Variants in SPRR2G observed in about 807,000 individuals in gnomAD.
SPRR2G encodes small proline-rich protein 2G.
A neutral mutation model predicts 0.7 loss-of-function variants in SPRR2G; 1 was observed. The ratio of observed to expected loss-of-function variants is 1.49; its 90% CI spans 0.53 to 7.06. The LOEUF is 7.06. Among genes scored for constraint, SPRR2G ranks in the 30% most tolerant of loss-of-function variants. The pLI is 0.14. For missense variants in SPRR2G, 96 were observed against 88.5 expected (o/e 1.09, Z -0.34); for synonymous variants, 38 against 33.9 (o/e 1.12, Z -0.42).
chr1:153,201,324 A>T, the SPRR2G span, among the ~76,000 whole-genome samples: 1 of 152,254 alleles, frequency 6.6e-6, no homozygotes, highest in Non-Finnish European at 1.5e-5. Flanking sequence ...AAGTCCAGTG[A>T]CTGATATACT....
chr1:153,188,197 A>C, the SPRR2G span, among the ~76,000 whole-genome samples: 1,599 of 152,284 alleles, frequency 0.011, 17 homozygotes, highest in Non-Finnish European at 0.018. Context: ...GACCCACTTG[A>C]GGAGGCAGTC....
the SPRR2G span, among the ~76,000 whole-genome samples, chr1:153,171,566 C>T: frequency 0.62 from 93,843 of 151,918 alleles, 30,034 homozygotes; most frequent in Middle Eastern, 0.74. Flanking sequence ...CTCACCACTA[C>T]GGACATTTCT....
chr1:153,165,839 T>C, the SPRR2G span, among the ~76,000 whole-genome samples: 3 of 152,208 alleles, frequency 2.0e-5, no homozygotes, highest in African/African-American at 7.2e-5. Context: ...TCTTTGAAGA[T>C]GAAAAACTAA....
the SPRR2G span, among the ~76,000 whole-genome samples, chr1:153,186,184 C>T: frequency 5.9e-5 from 9 of 152,030 alleles, no homozygotes; most frequent in East Asian, 3.8e-4. Context: ...GAGGAATGTA[C>T]GTTCTGTTGA....
chr1:153,198,451 G>A, the SPRR2G span, among the ~76,000 whole-genome samples: 1 of 152,220 alleles, frequency 6.6e-6, no homozygotes. Flanking sequence ...CCACAATAAA[G>A]GCAGCAACCA....
the SPRR2G span, among the ~76,000 whole-genome samples, chr1:153,171,398 C>G: frequency 6.6e-6 from 1 of 152,080 alleles, no homozygotes; most frequent in African/African-American, 2.4e-5. Flanking sequence ...GCCTTTACAC[C>G]CACTCGCCTC....
the SPRR2G span, among the ~76,000 whole-genome samples, chr1:153,161,201 T>G: frequency 0.027 from 4,068 of 150,652 alleles, 191 homozygotes; most frequent in African/African-American, 0.093. Flanking sequence ...AAACTGCACG[T>G]TGTGCACATG....
the SPRR2G span, among the ~76,000 whole-genome samples, chr1:153,180,636 A>G: frequency 2.2e-3 from 336 of 152,318 alleles, 2 homozygotes; most frequent in African/African-American, 7.8e-3. Flanking sequence ...ATACCTAGGA[A>G]AATATAATGA....
the SPRR2G span, chr1:153,191,497 A>T: frequency 1.3e-5 from 2 of 152,192 alleles, no homozygotes; most frequent in African/African-American, 4.8e-5. Flanking sequence ...CTTGTATTAA[A>T]AATTAAAACT....
chr1:153,151,260 T>C (rs1656462168), upstream of SPRR2G, among the ~76,000 whole-genome samples: 1 of 152,220 alleles, frequency 6.6e-6, no homozygotes, highest in Admixed American at 6.5e-5. Flanking sequence ...TTCTCTTTAG[T>C]AGAGACCAGT....
At chr1:153,196,503 T>A in the SPRR2G span, among the ~76,000 whole-genome samples, 1 of 152,228 alleles carries the variant, frequency 6.6e-6, no homozygotes, top group African/African-American at 2.4e-5. Flanking sequence ...AAAGTTTGAT[T>A]AGATAAAGCT....
At chr1:153,150,226 A>C in intron 1 of SPRR2G, 95 bp from the exon 2 acceptor site, 1 of 1,523,602 alleles carries the variant, frequency 6.6e-7, no homozygotes, top group Non-Finnish European at 8.8e-7. Context: ...CTAGGGACCA[A>C]CTTTGATCCC....
At chr1:153,180,948 T>C in the SPRR2G span, among the ~76,000 whole-genome samples, 1 of 152,198 alleles carries the variant, frequency 6.6e-6, no homozygotes, top group African/African-American at 2.4e-5. Flanking sequence ...TGTTCAGATA[T>C]TTTTCTATTT....
At chr1:153,155,862 CCTTCCTGGATCCCT>C (rs1170619310), upstream of SPRR2G, among the ~76,000 whole-genome samples, 1 of 152,214 alleles carries the variant, frequency 6.6e-6, no homozygotes, top group Non-Finnish European at 1.5e-5. Flanking sequence ...CAATGAAAAG[CCTTCCTGGATCCCT>C]CCTATTAGGG....
chr1:153,164,578 T>C, the SPRR2G span, among the ~76,000 whole-genome samples: 1 of 152,210 alleles, frequency 6.6e-6, no homozygotes, highest in Admixed American at 6.5e-5. Flanking sequence ...AATCCACAGA[T>C]GCTCAAGTCC....
At chr1:153,202,537 A>G in the SPRR2G span, among the ~76,000 whole-genome samples, 1 of 151,948 alleles carries the variant, frequency 6.6e-6, no homozygotes, top group Non-Finnish European at 1.5e-5. Context: ...TCAATTCTTA[A>G]TTTTCTGCAC....
At chr1:153,175,437 T>C in the SPRR2G span, among the ~76,000 whole-genome samples, 5 of 152,180 alleles carry the variant, frequency 3.3e-5, no homozygotes, top group Non-Finnish European at 7.3e-5. Flanking sequence ...GGGTTTGGCT[T>C]AACAGGCCCT....
At chr1:153,179,424 A>G in the SPRR2G span, among the ~76,000 whole-genome samples, 2 of 152,114 alleles carry the variant, frequency 1.3e-5, no homozygotes, top group Non-Finnish European at 2.9e-5. Flanking sequence ...TTTTCATCTA[A>G]GTTGTAGAAT....
upstream of SPRR2G, among the ~76,000 whole-genome samples, chr1:153,151,742 T>C (rs1040706701): frequency 6.6e-6 from 1 of 152,216 alleles, no homozygotes; most frequent in Admixed American, 6.5e-5. Flanking sequence ...TCTTTTGAAA[T>C]GACATTTAGT....
Sources: gnomAD v4.1 joint callset for allele counts (sites outside exome capture counted in the v4.1 genomes callset) on GRCh38, gnomAD v4.1.1 for gene constraint, MANE v1.5 for transcripts, NCBI Gene and HGNC (gene_info 2026-07-23, HGNC 2026-07-21) for gene names.